The following FSTL5 variants were observed in gnomAD, a reference collection of about 807,000 sequenced individuals.
FSTL5 encodes follistatin-related protein 5.
Under a neutral mutation model 89.1 loss-of-function variants are expected in FSTL5, and 62 were observed. That is an observed-to-expected ratio of 0.70 (90% CI 0.57 to 0.86). The LOEUF is 0.86. Ranked by LOEUF, FSTL5 falls within the 40% of genes least tolerant of loss-of-function variation. FSTL5 has a pLI of 0.00. For missense variants in FSTL5, 1,057 were observed against 1,001.6 expected (o/e 1.06, Z -0.75); for synonymous variants, 383 against 346.2 (o/e 1.11, Z -1.18).
intron 4 of FSTL5, among the ~76,000 whole-genome samples, chr4:161,781,339 A>G (rs1741658934): frequency 6.6e-6 from 1 of 152,086 alleles, no homozygotes; most frequent in Non-Finnish European, 1.5e-5. Flanking sequence ...TTAAAAAAAA[A>G]AATTTAAATC....
Position 161,940,269 on chromosome 4 carries a change from A to T in FSTL5, c.161-19617T>A, listed in dbSNP as rs567235004. On this transcript the variant is annotated intron_variant, in intron 3 of 15. Coordinates refer to ENST00000306100, the MANE Select transcript of FSTL5 (RefSeq NM_020116.5). ...GAGTAAAAATTTAAAAAAATTGACA[A>T]AAATGAACAAGCCTTATGAGATCTG... is the stretch of plus-strand genomic sequence containing the variant. 2.0e-5 allele frequency among the ~76,000 whole-genome samples: 3 copies of T among 152,066 alleles called. No homozygotes were observed. In the East Asian group the frequency reaches 5.8e-4, roughly 29 times the overall value.
chr4:161,922,509 T>A (rs1734020421), intron 3 of FSTL5, among the ~76,000 whole-genome samples: 1 of 152,044 alleles, frequency 6.6e-6, no homozygotes, highest in East Asian at 1.9e-4. Context: ...CCCAGAGAAG[T>A]TGTTAATATA....
At chr4:161,649,617 C>A (rs1247699021) in intron 7 of FSTL5, among the ~76,000 whole-genome samples, 1 of 152,102 alleles carries the variant, frequency 6.6e-6, no homozygotes, top group Non-Finnish European at 1.5e-5. Flanking sequence ...ATTTTATACT[C>A]TCTTAGATGA....
chr4:161,546,531 C>T (rs1328843547), intron 8 of FSTL5, among the ~76,000 whole-genome samples: 1 of 151,248 alleles, frequency 6.6e-6, no homozygotes, highest in Non-Finnish European at 1.5e-5. Flanking sequence ...CCAAGAAAGT[C>T]AGAATGAGAG....
intron 1 of FSTL5, among the ~76,000 whole-genome samples, chr4:162,136,459 G>A (rs1732524957): frequency 6.6e-6 from 1 of 151,924 alleles, no homozygotes; most frequent in African/African-American, 2.4e-5. Flanking sequence ...CTTTAGAGTG[G>A]GGGGAGTTGT....
intron 8 of FSTL5, among the ~76,000 whole-genome samples, chr4:161,555,603 G>T (rs1405768874): frequency 6.6e-6 from 1 of 151,388 alleles, no homozygotes; most frequent in Non-Finnish European, 1.5e-5. Flanking sequence ...AAATTTGAAC[G>T]CATCTCTAAT....
At position 162,041,338 on chromosome 4, in the gene FSTL5, G is replaced by C. The variant is rs72693238; in HGVS notation, c.127-7680C>G. The stretch of plus-strand genomic sequence containing the variant: ...ATAAGACTGCAAAACAGCAAATAGT[G>C]TTGTTGCAGTAGTGCAGAGTTGGAA... On this transcript the variant is annotated intron_variant, in intron 2 of 15. Coordinates refer to ENST00000306100, the MANE Select transcript of FSTL5 (RefSeq NM_020116.5). Among the ~76,000 whole-genome samples, 847 of 152,136 alleles carry C rather than the reference G, an allele frequency of 5.6e-3. 5 individuals are homozygous for C. The highest frequency in any genetic ancestry group is 9.1e-3 in the Non-Finnish European group (617 of 67,986).
At chr4:161,992,412 G>C (rs550377067) in intron 3 of FSTL5, among the ~76,000 whole-genome samples, 2 of 152,248 alleles carry the variant, frequency 1.3e-5, no homozygotes, top group South Asian at 2.1e-4. Context: ...AATGTGATGA[G>C]TTAAAGAGAG....
Position 161,401,077 on chromosome 4 carries a change from T to G in FSTL5, c.1842-14628A>C, listed in dbSNP as rs72681766. On this transcript the variant is annotated intron_variant, in intron 15 of 15. Transcript: ENST00000306100. ...CAATTTAGTGACTGAACTTTAGAAT[T>G]TAACATTGAATGTGGTTTTATTGCA... 7.0e-3 allele frequency among the ~76,000 whole-genome samples: 1,061 copies of G among 152,290 alleles called. 5 individuals are homozygous for G. The highest frequency in any genetic ancestry group is 0.012 in the Non-Finnish European group (795 of 68,000).
chr4:161,646,995 T>G (rs539818840), intron 7 of FSTL5, among the ~76,000 whole-genome samples: 1 of 152,212 alleles, frequency 6.6e-6, no homozygotes, highest in Admixed American at 6.5e-5. Context: ...GCAGAAACTA[T>G]TTAGTTTGAT....
intron 15 of FSTL5, among the ~76,000 whole-genome samples, chr4:161,449,709 A>G (rs561035988): frequency 1.3e-5 from 2 of 152,312 alleles, no homozygotes; most frequent in African/African-American, 4.8e-5. Flanking sequence ...CAGGTGCTAC[A>G]AAGTGCAGGT....
Position 161,438,773 on chromosome 4 carries a change from T to C in FSTL5, c.1841+16231A>G, listed in dbSNP as rs117571037. On this transcript the variant is annotated intron_variant, in intron 15 of 15. Transcript: ENST00000306100. Reference sequence around the variant, plus strand: ...GCAAATGATTAATTTTTTTACAAACTAACTATTATATATGAAGTAACATTT... The same window carrying C: ...GCAAATGATTAATTTTTTTACAAACCAACTATTATATATGAAGTAACATTT... Among the ~76,000 whole-genome samples, 9 of 151,640 alleles carry C rather than the reference T, an allele frequency of 5.9e-5. No homozygotes were observed. In the East Asian group the frequency reaches 1.7e-3, roughly 29 times the overall value.
chr4:161,474,547 T>TC (rs905584729), intron 13 of FSTL5, among the ~76,000 whole-genome samples: 1 of 146,938 alleles, frequency 6.8e-6, no homozygotes, highest in Non-Finnish European at 1.5e-5. Context: ...GTGTAGTGGT[T>TC]TTTTTTTTTT....
rs150706297 is a variant in FSTL5 at position 161,934,625 on chromosome 4, C to T, written c.161-13973G>A. 2.8e-3 allele frequency among the ~76,000 whole-genome samples: 404 copies of T among 146,260 alleles called. 2 individuals are homozygous for T. Among genetic ancestry groups the T allele is most frequent in the African/African-American group, 9.5e-3 (391 of 41,048 alleles). On this transcript the variant is annotated intron_variant, in intron 3 of 15. Coordinates refer to ENST00000306100, the MANE Select transcript of FSTL5 (RefSeq NM_020116.5). ...TTTAGAATTTTGTGGGGTTTTTTTT[C>T]GTTCTTTCTTTTTGCTTTAATTTTC...
At chr4:161,797,902 T>A (rs1560851990) in intron 4 of FSTL5, among the ~76,000 whole-genome samples, 1 of 151,664 alleles carries the variant, frequency 6.6e-6, no homozygotes, top group East Asian at 1.9e-4. Flanking sequence ...TTTTGACCCA[T>A]GAATGTTATG....
intron 6 of FSTL5, among the ~76,000 whole-genome samples, chr4:161,746,454 C>T (rs945137994): frequency 6.6e-6 from 1 of 152,048 alleles, no homozygotes; most frequent in African/African-American, 2.4e-5. Context: ...GTTTACAAGC[C>T]AGCTCTCTAA....
intron 3 of FSTL5, among the ~76,000 whole-genome samples, chr4:162,012,118 G>A (rs570151057): frequency 4.3e-4 from 65 of 152,232 alleles, no homozygotes; most frequent in African/African-American, 1.4e-3. Context: ...CGTTCCAACG[G>A]TAATATCCAC....
At chr4:161,926,196 T>C (rs1166897029) in intron 3 of FSTL5, among the ~76,000 whole-genome samples, 3 of 151,940 alleles carry the variant, frequency 2.0e-5, no homozygotes, top group East Asian at 3.9e-4. Flanking sequence ...GGGATGTGTG[T>C]TTCCTGCTGC....
intron 6 of FSTL5, among the ~76,000 whole-genome samples, chr4:161,663,030 C>T (rs889617342): frequency 6.6e-5 from 10 of 152,074 alleles, no homozygotes; most frequent in African/African-American, 2.2e-4. Flanking sequence ...GTGAGACTTA[C>T]TCACTATCAA....
Sources: allele counts gnomAD v4.1 joint callset (sites outside exome capture counted in the v4.1 genomes callset), GRCh38; gene constraint gnomAD v4.1.1; transcripts MANE v1.5; gene names NCBI Gene and HGNC (gene_info 2026-07-23, HGNC 2026-07-21).